The following RBFOX1 variants were observed in gnomAD, a reference collection of about 807,000 sequenced individuals.
RBFOX1 encodes the protein RNA binding protein fox-1 homolog 1.
In RBFOX1, 8 loss-of-function variants were observed where a neutral mutation model predicts 57.7. That is an observed-to-expected ratio of 0.14 (90% confidence interval 0.08 to 0.25). The LOEUF is 0.25. RBFOX1 is among the 10% of genes least tolerant of loss of function. The pLI, the probability that RBFOX1 is intolerant of heterozygous loss-of-function variation, is 1.00. For missense variants in RBFOX1, 611 were observed against 548.5 expected, an observed-to-expected ratio of 1.11 and a Z score of -1.14; for synonymous variants, 326 against 222.4, an observed-to-expected ratio of 1.47 and a Z score of -4.15.
chr16:6,139,083 A>C (rs975873493), intron 1 of RBFOX1, among the ~76,000 whole-genome samples: 4 of 152,030 alleles, frequency 2.6e-5, no homozygotes, highest in Admixed American at 6.6e-5. Context: ...TATTACCGCT[A>C]TTGTTATTGA....
At chr16:7,073,751 T>G (rs1488892354) in intron 4 of RBFOX1, among the ~76,000 whole-genome samples, 1 of 152,128 alleles carries the variant, frequency 6.6e-6, no homozygotes, top group Non-Finnish European at 1.5e-5. Flanking sequence ...TGGTACCAGT[T>G]ACTCAGGGGG....
chr16:6,140,052 C>G (rs572616593), intron 1 of RBFOX1, among the ~76,000 whole-genome samples: 232 of 152,200 alleles, frequency 1.5e-3, no homozygotes, highest in Non-Finnish European at 2.9e-3. Context: ...CACGTTTTCC[C>G]TTTGATTTCT....
chr16:7,705,757 A>T (rs976066822), intron 14 of RBFOX1, among the ~76,000 whole-genome samples: 5 of 152,184 alleles, frequency 3.3e-5, no homozygotes, highest in East Asian at 1.9e-4. Context: ...GAGTTGAAAA[A>T]ATGAGACAAG....
intron 1 of RBFOX1, among the ~76,000 whole-genome samples, chr16:6,161,713 A>G (rs2096880707): frequency 6.6e-6 from 1 of 152,314 alleles, no homozygotes. Flanking sequence ...AGTCATTGTC[A>G]TCTACACACA....
chr16:5,753,426 C>T (rs1337961776), intron 3 of RBFOX1, among the ~76,000 whole-genome samples: 1 of 152,090 alleles, frequency 6.6e-6, no homozygotes, highest in African/African-American at 2.4e-5. Context: ...ATTTTGGCTG[C>T]GTTTTTCACT....
At chr16:6,914,373 T>C (rs965432623) in intron 3 of RBFOX1, among the ~76,000 whole-genome samples, 2 of 152,152 alleles carry the variant, frequency 1.3e-5, no homozygotes, top group Non-Finnish European at 2.9e-5. Context: ...ATAAGTATTC[T>C]ACTTTTCATG....
intron 1 of RBFOX1, among the ~76,000 whole-genome samples, chr16:6,076,999 C>A (rs2095912422): frequency 6.6e-6 from 1 of 152,142 alleles, no homozygotes; most frequent in Non-Finnish European, 1.5e-5. Context: ...AGCTTGACAG[C>A]CAATATCTAG....
chr16:7,208,661 C>T (rs536760217), intron 4 of RBFOX1, among the ~76,000 whole-genome samples: 5 of 152,178 alleles, frequency 3.3e-5, no homozygotes, highest in South Asian at 4.2e-4. Flanking sequence ...CATAGCAAGA[C>T]CGTATCTCAA....
chr16:7,210,527 C>T (rs1207077908), intron 4 of RBFOX1, among the ~76,000 whole-genome samples: 1 of 152,134 alleles, frequency 6.6e-6, no homozygotes, highest in South Asian at 2.1e-4. Flanking sequence ...ACAGCAATAC[C>T]TAAATTAACA....
chr16:6,502,258 T>G (rs2095957735), intron 2 of RBFOX1, among the ~76,000 whole-genome samples: 1 of 152,128 alleles, frequency 6.6e-6, no homozygotes, highest in African/African-American at 2.4e-5. Context: ...ACAATAGTAG[T>G]GGCCCCAGAG....
At chr16:5,928,986 C>G (rs908730499) in intron 4 of RBFOX1, among the ~76,000 whole-genome samples, 8 of 149,154 alleles carry the variant, frequency 5.4e-5, no homozygotes, top group African/African-American at 7.4e-5. Context: ...CAGCTGTGAG[C>G]TGGTCCCTAA....
intron 1 of RBFOX1, among the ~76,000 whole-genome samples, chr16:6,259,597 C>T (rs1288076793): frequency 8.6e-5 from 13 of 151,954 alleles, no homozygotes; most frequent in Admixed American, 8.5e-4. Context: ...GGCCCAGTAG[C>T]GACGAAAGTG....
chr16:6,892,097 A>G (rs1325429034), intron 3 of RBFOX1, among the ~76,000 whole-genome samples: 1 of 152,096 alleles, frequency 6.6e-6, no homozygotes, highest in Non-Finnish European at 1.5e-5. Context: ...AGTTTCCTTT[A>G]CAGCACGTTG....
intron 3 of RBFOX1, among the ~76,000 whole-genome samples, chr16:6,960,005 A>AC (rs1243858070): frequency 6.6e-6 from 1 of 151,814 alleles, no homozygotes; most frequent in Non-Finnish European, 1.5e-5. Context: ...TGTAACAAAA[A>AC]CCCCCCAAGA....
intron 11 of RBFOX1, among the ~76,000 whole-genome samples, chr16:7,651,334 C>A (rs1211325277): frequency 6.6e-6 from 1 of 152,162 alleles, no homozygotes; most frequent in Non-Finnish European, 1.5e-5. Flanking sequence ...TGGCAAACCC[C>A]ACCCGCTCCC....
chr16:6,324,457 G>A (rs2082148669), intron 2 of RBFOX1, among the ~76,000 whole-genome samples: 1 of 152,146 alleles, frequency 6.6e-6, no homozygotes, highest in African/African-American at 2.4e-5. Context: ...GAGGCCTCAG[G>A]AAACTTACAG....
At chr16:5,368,934 C>A (rs2065792522) in intron 1 of RBFOX1, among the ~76,000 whole-genome samples, 1 of 152,230 alleles carries the variant, frequency 6.6e-6, no homozygotes, top group South Asian at 2.1e-4. Context: ...TCAATTCTCA[C>A]TATTCTAACT....
chr16:5,897,351 A>C (rs1009180863), intron 4 of RBFOX1, among the ~76,000 whole-genome samples: 1 of 150,798 alleles, frequency 6.6e-6, no homozygotes, highest in African/African-American at 2.4e-5. Flanking sequence ...CCGCTTTTAA[A>C]CAGAAAAGGC....
At chr16:6,650,474 A>G (rs910576869) in intron 2 of RBFOX1, among the ~76,000 whole-genome samples, 5 of 152,182 alleles carry the variant, frequency 3.3e-5, no homozygotes, top group Non-Finnish European at 7.3e-5. Flanking sequence ...GTGATTCAGT[A>G]TGAGTTACCT....
Sources: gnomAD v4.1 joint callset for allele counts (sites outside exome capture counted in the v4.1 genomes callset) on GRCh38, gnomAD v4.1.1 for gene constraint, MANE v1.5 for transcripts, NCBI Gene and HGNC (gene_info 2026-07-23, HGNC 2026-07-21) for gene names.